The following PACRGL variants were observed in gnomAD, a reference collection of about 807,000 sequenced individuals.
The protein encoded by PACRGL is PACRG-like protein.
A neutral mutation model predicts 34.5 loss-of-function variants in PACRGL; 38 were observed. The ratio of observed to expected loss-of-function variants is 1.10; its 90% confidence interval spans 0.85 to 1.44. The LOEUF is 1.44. Ranked by LOEUF, PACRGL falls within the 40% of genes most tolerant of loss-of-function variation. PACRGL has a pLI of 0.00. For synonymous variants in PACRGL, 128 were observed against 100.1 expected, an observed-to-expected ratio of 1.28 and a Z score of -1.66; for missense variants, 305 against 281.4, an observed-to-expected ratio of 1.08 and a Z score of -0.60.
intron 6 of PACRGL, 27 bp downstream of exon 6, chr4:20,712,949 A>G: frequency 6.8e-7 from 1 of 1,475,792 alleles, no homozygotes; most frequent in Non-Finnish European, 9.1e-7. Flanking sequence ...ATTGTACTTT[A>G]TATTTGAAAA....
chr4:20,718,583 A>G (rs1260130351), intron 7 of PACRGL, among the ~76,000 whole-genome samples: 3 of 152,198 alleles, frequency 2.0e-5, no homozygotes, highest in Admixed American at 6.5e-5. Context: ...ATCTATCGAG[A>G]TAATCGTGGT....
chr4:20,741,363 C>G (rs144035373), intron 8 of PACRGL, among the ~76,000 whole-genome samples: 12 of 152,202 alleles, frequency 7.9e-5, no homozygotes, highest in Non-Finnish European at 7.3e-5. Context: ...GAAATTATAA[C>G]AAACTGTCTC....
At chr4:20,741,976 G>A (rs1324712239) in intron 8 of PACRGL, among the ~76,000 whole-genome samples, 2 of 152,146 alleles carry the variant, frequency 1.3e-5, no homozygotes, top group East Asian at 3.9e-4. Flanking sequence ...CTAGAAGAAT[G>A]GATAAATTCC....
Position 20,749,791 on chromosome 4 carries a change from T to G in PACRGL, c.*57-2774T>G, listed in dbSNP as rs1753252192. The G allele has an allele frequency of 2.0e-5, 23 of 1,134,098 alleles. No individual in the cohort carries two copies. The South Asian group carries it at 3.0e-4, about 15-fold the overall frequency. The allele number at this position is 1,134,098 out of a possible 1,614,324, so 70.3% of individuals were successfully genotyped here. A position where few individuals can be genotyped will look rare whatever the true frequency, so the allele number is the denominator to read the frequency against. On this transcript the variant is annotated intron_variant, in intron 8 of 8. Coordinates refer to the PACRGL transcript ENST00000507634. ...GTGTTTCCATATCCTACATAAGACTTGGATAGCAGTCCAAGCTTCCTTTGA... is the reference window on the plus strand; with the variant it reads ...GTGTTTCCATATCCTACATAAGACTGGGATAGCAGTCCAAGCTTCCTTTGA...
At chr4:20,710,313 A>C (rs16869889) in intron 5 of PACRGL, among the ~76,000 whole-genome samples, 49,365 of 152,026 alleles carry the variant, frequency 0.32, 8,478 homozygotes, top group African/African-American at 0.43. Context: ...TCCTTTATAT[A>C]ATTTAACATT....
intron 1 of PACRGL, among the ~76,000 whole-genome samples, chr4:20,703,976 A>T (rs11940062): frequency 6.6e-6 from 1 of 151,902 alleles, no homozygotes; most frequent in Non-Finnish European, 1.5e-5. Context: ...TGACAACCTC[A>T]GTTTTAGTTA....
chr4:20,702,292 C>G, intron 1 of PACRGL: 1 of 443,114 alleles, frequency 2.3e-6, no homozygotes, highest in Non-Finnish European at 4.6e-6. Context: ...TTTGTGGGTA[C>G]GCGTCTTTGC....
chr4:20,752,597 A>G (rs954593273), exon 9 of PACRGL: 1 of 152,170 alleles, frequency 6.6e-6, no homozygotes, highest in African/African-American at 2.4e-5. Context: ...GACGAGTTCT[A>G]ATTTAATGCA....
intron 1 of PACRGL, chr4:20,702,768 C>A (rs977001433): frequency 1.3e-5 from 2 of 152,188 alleles, no homozygotes; most frequent in African/African-American, 4.8e-5. Flanking sequence ...AAGCTTCTCT[C>A]AGCTTATTTT....
downstream of PACRGL, among the ~76,000 whole-genome samples, chr4:20,754,129 A>ACAAACC (rs1754104699): frequency 6.6e-6 from 1 of 152,184 alleles, no homozygotes; most frequent in Admixed American, 6.6e-5. Flanking sequence ...AATAGCACCA[A>ACAAACC]CAAACCGTTT....
chr4:20,731,887 A>C lies in PACRGL; in HGVS notation c.*4546A>C. ...GTAGGCTTATGCTGCATGTTGTAGA[A>C]GTGGTAAACTTAGGCATATGATCTC... On this transcript the variant is annotated 3_prime_UTR_variant, in exon 9 of 9. Transcript: ENST00000503585. 1.4e-6 allele frequency: 2 copies of C among 1,474,856 alleles called. No individual in the cohort carries two copies. Among genetic ancestry groups the C allele is most frequent in the South Asian group, 2.8e-5 (2 of 70,804 alleles). The allele number at this position is 1,474,856 out of a possible 1,614,324, so 91.4% of individuals were successfully genotyped here. A position where few individuals can be genotyped will look rare whatever the true frequency, so the allele number is the denominator to read the frequency against.
intron 7 of PACRGL, among the ~76,000 whole-genome samples, chr4:20,715,191 C>T (rs924837018): frequency 5.9e-5 from 9 of 152,094 alleles, no homozygotes; most frequent in Admixed American, 3.9e-4. Context: ...CCAAACACCG[C>T]ATGTTCTCAC....
intron 7 of PACRGL, chr4:20,716,138 C>G: frequency 2.7e-6 from 4 of 1,487,096 alleles, no homozygotes; most frequent in Non-Finnish European, 3.6e-6. Context: ...TTCCCAAGAC[C>G]ACTCTTAGGT....
At chr4:20,706,581 CTT>C (rs879864380) in intron 3 of PACRGL, among the ~76,000 whole-genome samples, 1 of 145,010 alleles carries the variant, frequency 6.9e-6, no homozygotes. Context: ...GGAAATGAAT[CTT>C]TTTTTTTTTT....
chr4:20,724,307 T>TA (rs1744738141), intron 7 of PACRGL, among the ~76,000 whole-genome samples: 1 of 152,128 alleles, frequency 6.6e-6, no homozygotes, highest in Non-Finnish European at 1.5e-5. Context: ...GATCTGCATG[T>TA]AAACCTCTGT....
downstream of PACRGL, among the ~76,000 whole-genome samples, chr4:20,737,099 A>G (rs1360610960): frequency 6.6e-6 from 1 of 152,218 alleles, no homozygotes; most frequent in Non-Finnish European, 1.5e-5. Context: ...CTGGATCACC[A>G]TACTTAGTTT....
In PACRGL at chr4:20,728,081, C is replaced by T. The variant is rs1385122164; in HGVS notation, c.*740C>T. 6.6e-6 allele frequency: 1 copy of T among 152,198 alleles called. No homozygotes were observed. The highest frequency in any genetic ancestry group is 1.5e-5 in the Non-Finnish European group (1 of 68,072). 9.4% of individuals were successfully genotyped at this position (152,198 alleles called of 1,614,324 possible). ...GGATTACAGGTGTGAGCCACCATGC[C>T]TGGCCCCATGAATACACTACTAATA... is the stretch of plus-strand genomic sequence containing the variant. On this transcript the variant is annotated 3_prime_UTR_variant, in exon 9 of 9. Transcript: ENST00000503585.
chr4:20,756,692 T>G (rs1560441502), downstream of PACRGL, among the ~76,000 whole-genome samples: 2 of 151,996 alleles, frequency 1.3e-5, no homozygotes, highest in South Asian at 2.1e-4. Context: ...GCTGTCCTGA[T>G]CATGCCCAAC....
At chr4:20,757,160 C>A (rs1754547450), downstream of PACRGL, among the ~76,000 whole-genome samples, 1 of 152,126 alleles carries the variant, frequency 6.6e-6, no homozygotes, top group Admixed American at 6.6e-5. Context: ...TCACAAACTC[C>A]TCTCTTCATC....
Sources: allele counts gnomAD v4.1 joint callset (sites outside exome capture counted in the v4.1 genomes callset), GRCh38; gene constraint gnomAD v4.1.1; transcripts MANE v1.5; gene names NCBI Gene and HGNC (gene_info 2026-07-23, HGNC 2026-07-21).